NREP: variants seen among roughly 807,000 people sequenced by gnomAD.
NREP encodes the protein neuronal regeneration related protein.
NREP carries 5 observed loss-of-function variants against 8.6 expected under a neutral mutation model. That is an observed-to-expected ratio of 0.58 (90% confidence interval 0.30 to 1.22). The LOEUF (loss-of-function observed/expected upper bound fraction) is 1.22, where lower values mean the gene tolerates loss of function less well. Among genes scored for constraint, NREP ranks in the 50% most tolerant of loss-of-function variants. The pLI is 0.07. For missense variants in NREP, 86 were observed against 82.5 expected (o/e 1.04, Z -0.17); for synonymous variants, 27 against 28.0 (o/e 0.96, Z 0.11).
chr5:111,837,421 T>C (rs938826369), intron 2 of NREP, among the ~76,000 whole-genome samples: 4 of 152,042 alleles, frequency 2.6e-5, no homozygotes, highest in African/African-American at 9.7e-5. Context: ...TTGAAATTGA[T>C]TGAAAGATAT....
intron 2 of NREP, among the ~76,000 whole-genome samples, chr5:111,891,824 T>C (rs553891054): frequency 6.6e-6 from 1 of 152,302 alleles, no homozygotes; most frequent in Admixed American, 6.5e-5. Context: ...ACCAAGGGCA[T>C]GGTGCTGAAC....
At chr5:111,807,416 T>G (rs898548174) in intron 2 of NREP, among the ~76,000 whole-genome samples, 1 of 152,200 alleles carries the variant, frequency 6.6e-6, no homozygotes, top group Admixed American at 6.5e-5. Context: ...TTACCAAATA[T>G]TATGTAAATG....
At chr5:111,854,020 C>A (rs1259999829) in intron 2 of NREP, among the ~76,000 whole-genome samples, 1 of 152,096 alleles carries the variant, frequency 6.6e-6, no homozygotes, top group East Asian at 1.9e-4. Flanking sequence ...ATACAGGAAA[C>A]AGACTGTGTT....
At chr5:111,963,798 C>A (rs937137375) in intron 2 of NREP, among the ~76,000 whole-genome samples, 2 of 152,114 alleles carry the variant, frequency 1.3e-5, no homozygotes, top group Admixed American at 6.5e-5. Context: ...TTTGGTAGTG[C>A]CATGGTCAAA....
At chr5:111,970,504 C>A (rs888740323) in intron 2 of NREP, among the ~76,000 whole-genome samples, 4 of 152,100 alleles carry the variant, frequency 2.6e-5, no homozygotes, top group Non-Finnish European at 4.4e-5. Flanking sequence ...CCTCATCACG[C>A]ATTTCCTTGA....
At position 111,836,292 on chromosome 5, in the gene NREP, A is replaced by C. The variant is rs538271458; in HGVS notation, c.136-100785T>G. Reference sequence around the variant, plus strand: ...TGAAGTATTATTAGAATAGAAAGGGAAAGGCATGCTTTTTAGGTCTGTATG... The same window carrying C: ...TGAAGTATTATTAGAATAGAAAGGGCAAGGCATGCTTTTTAGGTCTGTATG... On this transcript the variant is annotated intron_variant, in intron 2 of 3. Coordinates refer to the NREP transcript ENST00000395634. 1.4e-4 allele frequency among the ~76,000 whole-genome samples: 22 copies of C among 152,214 alleles called. 1 individual carries two copies. In the South Asian group the frequency reaches 4.6e-3, roughly 32 times the overall value.
intron 2 of NREP, among the ~76,000 whole-genome samples, chr5:111,788,124 G>A (rs1396404313): frequency 6.6e-6 from 1 of 152,062 alleles, no homozygotes; most frequent in South Asian, 2.1e-4. Context: ...AAAGAAAAGA[G>A]AAAAGAAAAG....
At chr5:111,748,121 T>C (rs1415148572) in intron 2 of NREP, among the ~76,000 whole-genome samples, 1 of 152,142 alleles carries the variant, frequency 6.6e-6, no homozygotes, top group Non-Finnish European at 1.5e-5. Flanking sequence ...TCCTTTTTTA[T>C]CAGACCATAC....
chr5:111,805,104 A>T (rs1261684829), intron 2 of NREP, among the ~76,000 whole-genome samples: 4 of 150,514 alleles, frequency 2.7e-5, no homozygotes, highest in African/African-American at 7.6e-5. Flanking sequence ...ACCTAAAAAA[A>T]GGTTCAGCTT....
intron 2 of NREP, among the ~76,000 whole-genome samples, chr5:111,873,539 C>A (rs1753836714): frequency 6.6e-6 from 1 of 152,150 alleles, no homozygotes; most frequent in African/African-American, 2.4e-5. Context: ...TTCTCAGTTT[C>A]TGGAAGATAC....
intron 2 of NREP, among the ~76,000 whole-genome samples, chr5:111,787,229 T>G (rs1179006927): frequency 6.6e-6 from 1 of 152,194 alleles, no homozygotes; most frequent in African/African-American, 2.4e-5. Flanking sequence ...AATTTCCCAG[T>G]GATCTCAGTA....
intron 2 of NREP, among the ~76,000 whole-genome samples, chr5:111,884,132 T>A (rs1258525728): frequency 2.0e-5 from 3 of 151,782 alleles, no homozygotes; most frequent in African/African-American, 7.3e-5. Flanking sequence ...TAAAAAATGA[T>A]AAAGGGGATA....
intron 2 of NREP, among the ~76,000 whole-genome samples, chr5:111,929,542 C>T (rs1320979901): frequency 6.6e-6 from 1 of 152,210 alleles, no homozygotes; most frequent in Non-Finnish European, 1.5e-5. Context: ...AGTTTTTAAC[C>T]TAGGTTCCAC....
chr5:111,780,126 G>A (rs1751458953), intron 2 of NREP, among the ~76,000 whole-genome samples: 1 of 152,078 alleles, frequency 6.6e-6, no homozygotes, highest in Non-Finnish European at 1.5e-5. Context: ...GGTGGGAATG[G>A]GGCATAATTT....
chr5:111,935,670 C>G (rs571857707), intron 2 of NREP, among the ~76,000 whole-genome samples: 2 of 152,164 alleles, frequency 1.3e-5, no homozygotes, highest in East Asian at 3.9e-4. Context: ...AAGATTATCC[C>G]TGCAACAATC....
chr5:111,775,260 A>G (rs189353921), intron 2 of NREP, among the ~76,000 whole-genome samples: 1 of 152,234 alleles, frequency 6.6e-6, no homozygotes, highest in East Asian at 1.9e-4. Context: ...TTCTTTCTAT[A>G]CCAATCCTCA....
At chr5:111,842,950 G>A (rs963474872) in intron 2 of NREP, among the ~76,000 whole-genome samples, 8 of 152,202 alleles carry the variant, frequency 5.3e-5, no homozygotes, top group East Asian at 3.9e-4. Context: ...CATTTTGTGC[G>A]ACAAGTTGCT....
At chr5:111,974,846 A>C (rs1056338824) in intron 2 of NREP, among the ~76,000 whole-genome samples, 1 of 152,252 alleles carries the variant, frequency 6.6e-6, no homozygotes, top group Admixed American at 6.5e-5. Flanking sequence ...ACAATGTTTA[A>C]GGCACTGCAG....
At chr5:111,826,131 T>C (rs1752618228) in intron 2 of NREP, among the ~76,000 whole-genome samples, 1 of 152,098 alleles carries the variant, frequency 6.6e-6, no homozygotes, top group Non-Finnish European at 1.5e-5. Context: ...CTTGGAGAAC[T>C]TTTATGTCTA....
Sources: gnomAD v4.1 joint callset for allele counts (sites outside exome capture counted in the v4.1 genomes callset) on GRCh38, gnomAD v4.1.1 for gene constraint, MANE v1.5 for transcripts, NCBI Gene and HGNC (gene_info 2026-07-23, HGNC 2026-07-21) for gene names.